The following DGKE variants were observed in gnomAD, a reference collection of about 807,000 sequenced individuals.
The protein encoded by DGKE is diacylglycerol kinase epsilon.
DGKE carries 53 observed loss-of-function variants against 70.0 expected under a neutral mutation model. The ratio of observed to expected loss-of-function variants is 0.76; its 90% CI spans 0.61 to 0.95. The LOEUF is 0.95. Among genes scored for constraint, DGKE ranks in the 40% least tolerant of loss-of-function variants. The pLI, the probability that DGKE is intolerant of heterozygous loss-of-function variation, is 0.00. For synonymous variants in DGKE, 291 were observed against 257.0 expected, an observed-to-expected ratio of 1.13 and a Z score of -1.27; for missense variants, 655 against 706.9, an observed-to-expected ratio of 0.93 and a Z score of 0.83.
At chr17:56,839,597 C>A (rs1376062924) in intron 2 of DGKE, among the ~76,000 whole-genome samples, 2 of 152,212 alleles carry the variant, frequency 1.3e-5, no homozygotes, top group African/African-American at 2.4e-5. Flanking sequence ...TGGCTTACTG[C>A]AGCCTTAGCC....
Position 56,835,152 on chromosome 17 carries a change from C to G in DGKE, c.357C>G (p.Val119=), listed in dbSNP as rs1356444112. ...KEIMLKNDTK[V]LDAMPHHWIR... is the part of the protein sequence containing the mutation. ...TTATGCTCAAGAATGACACCAAGGTCCTGGACGCCATGCCCCACCACTGGA... is the reference window on the plus strand; with the variant it reads ...TTATGCTCAAGAATGACACCAAGGTGCTGGACGCCATGCCCCACCACTGGA... The change falls in exon 2 of 12, where the codon GTC becomes GTG. Residue 119 remains valine, a synonymous_variant. Transcript: ENST00000284061. 8.1e-6 allele frequency: 13 copies of G among 1,613,996 alleles called. No homozygotes were observed. The highest frequency in any genetic ancestry group is 1.0e-5 in the Non-Finnish European group (12 of 1,180,054).
chr17:56,847,095 T>A (rs1907329710), intron 4 of DGKE, among the ~76,000 whole-genome samples: 1 of 152,182 alleles, frequency 6.6e-6, no homozygotes. Context: ...TTTTTAGGCA[T>A]TTTTGTCTTT....
rs11653161 is a variant in DGKE at position 56,869,148 on chromosome 17, G to A, written c.*6357G>A. ...TACAGGAGCTGGGCAAGCAACGAAG[G>A]TAAGAGTTGTAGAGACTTCGGTAAA... On this transcript the variant is annotated 3_prime_UTR_variant, in exon 12 of 12. Transcript: ENST00000284061. 2,454 of 152,316 alleles carry A rather than the reference G, an allele frequency of 0.016. 33 individuals carry two copies. Among genetic ancestry groups the A allele is most frequent in the Non-Finnish European group, 0.026 (1,748 of 68,034 alleles). The allele number at this position is 152,316 out of a possible 1,614,324, so 9.4% of individuals were successfully genotyped here.
At chr17:56,858,270 T>C (rs1182714602) in intron 8 of DGKE, among the ~76,000 whole-genome samples, 3 of 152,268 alleles carry the variant, frequency 2.0e-5, no homozygotes, top group African/African-American at 7.2e-5. Flanking sequence ...AAATGTAAAA[T>C]ACAAATGATG....
At chr17:56,834,746 C>A in intron 1 of DGKE, 32 bp from the exon 2 acceptor site, 1 of 1,524,882 alleles carries the variant, frequency 6.6e-7, no homozygotes, top group South Asian at 1.2e-5. Context: ...ATGGCGAGCT[C>A]GGGGTGCACC....
chr17:56,848,134 ATG>A (rs1907420951), intron 5 of DGKE, 69 bp downstream of exon 5: 3 of 924,414 alleles, frequency 3.2e-6, no homozygotes, highest in Non-Finnish European at 4.2e-6. Flanking sequence ...ATATATATAT[ATG>A]GGTTTTGTTG....
Position 56,845,675 on chromosome 17 carries a change from G to T in DGKE, c.625-15G>T. 6.2e-7 allele frequency: 1 copy of T among 1,601,060 alleles called. No homozygotes were observed. Among genetic ancestry groups the T allele is most frequent in the South Asian group, 1.1e-5 (1 of 88,402 alleles). ...TAAGATACTAAACCTTTTCACTCAT[G>T]GCAATTTTTTTTAGCTAGCCTCTAA... On this transcript the variant is annotated splice_polypyrimidine_tract_variant and intron_variant, in intron 3 of 11. Coordinates refer to ENST00000284061, the MANE Select transcript of DGKE (RefSeq NM_003647.3).
chr17:56,868,185 A>T lies in DGKE; in HGVS notation c.*5394A>T, dbSNP rs1045949545. 6.6e-6 allele frequency: 1 copy of T among 152,272 alleles called. No homozygotes were observed. The highest frequency in any genetic ancestry group is 6.5e-5 in the Admixed American group (1 of 15,288). 9.4% of individuals were successfully genotyped at this position (152,272 alleles called of 1,614,324 possible). A position where few individuals can be genotyped will look rare whatever the true frequency, so the allele number is the denominator to read the frequency against. ...CCAGGCAAGAGGGCATCCTGATCAG[A>T]TGAGTAGATTTGGCTGAGAAAAACC... On this transcript the variant is annotated 3_prime_UTR_variant, in exon 12 of 12. Coordinates refer to ENST00000284061, the MANE Select transcript of DGKE (RefSeq NM_003647.3).
intron 9 of DGKE, among the ~76,000 whole-genome samples, chr17:56,859,481 G>A (rs1908159525): frequency 6.7e-6 from 1 of 149,430 alleles, no homozygotes; most frequent in African/African-American, 2.5e-5. Context: ...GTGCAGTGGT[G>A]CGATCTCCGC....
rs374948506 is a variant in DGKE at position 56,849,156 on chromosome 17, G to GT, written c.1047-17dup. 467 of 1,594,956 alleles carry GT rather than the reference G, an allele frequency of 2.9e-4. 1 individual carries two copies. The highest frequency in any genetic ancestry group is 3.7e-4 in the Non-Finnish European group (430 of 1,168,844). On this transcript the variant is annotated intron_variant, in intron 6 of 11. Coordinates refer to ENST00000284061, the MANE Select transcript of DGKE (RefSeq NM_003647.3). ...TATGGGGTTTATTGTAAAACGTGCT[G>GT]TTTTTTTTAACTTCTGTTTTTTAGA...
chr17:56,844,014 C>G lies in DGKE; in HGVS notation c.465-5C>G, dbSNP rs1004912004. 9.1e-6 allele frequency: 14 copies of G among 1,535,508 alleles called. No homozygotes were observed. The highest frequency in any genetic ancestry group is 1.2e-5 in the Non-Finnish European group (14 of 1,149,110). ...TAGTTAATGCTTGTTTCTTCCTTCCCTCAGGTGCATTTGGTGCCAGAAAAC... is the reference window on the plus strand; with the variant it reads ...TAGTTAATGCTTGTTTCTTCCTTCCGTCAGGTGCATTTGGTGCCAGAAAAC... On this transcript the variant is annotated splice_polypyrimidine_tract_variant and splice_region_variant and intron_variant, in intron 2 of 11. Transcript: ENST00000284061.
At chr17:56,854,080 T>TAC (rs1354023273) in intron 7 of DGKE, among the ~76,000 whole-genome samples, 1 of 144,774 alleles carries the variant, frequency 6.9e-6, no homozygotes, top group East Asian at 2.1e-4. Flanking sequence ...AGACAAATAT[T>TAC]GTATGATGTC....
intron 2 of DGKE, among the ~76,000 whole-genome samples, chr17:56,841,923 G>A (rs1361349141): frequency 6.6e-6 from 1 of 152,092 alleles, no homozygotes; most frequent in Non-Finnish European, 1.5e-5. Flanking sequence ...AGCCTCACTA[G>A]AGCTGGGACT....
intron 7 of DGKE, 80 bp from the exon 8 acceptor site, chr17:56,856,432 A>G: frequency 7.0e-7 from 1 of 1,436,116 alleles, no homozygotes. Flanking sequence ...AAAGAACACA[A>G]AGACTAAGAT....
chr17:56,837,089 A>C (rs1404327166), intron 2 of DGKE, among the ~76,000 whole-genome samples: 1 of 152,238 alleles, frequency 6.6e-6, no homozygotes, highest in Non-Finnish European at 1.5e-5. Context: ...GCATCTCTTC[A>C]AAATCTGTTA....
chr17:56,835,362 C>T, intron 2 of DGKE, 103 bp downstream of exon 2: 2 of 1,250,544 alleles, frequency 1.6e-6, no homozygotes, highest in Non-Finnish European at 2.2e-6. Context: ...ATGACCTAAA[C>T]TCATTTTGAG....
rs574370960 is a variant in DGKE at position 56,839,843 on chromosome 17, C to A, written c.465-4176C>A. On this transcript the variant is annotated intron_variant, in intron 2 of 11. Transcript: ENST00000284061. The stretch of plus-strand genomic sequence containing the variant: ...GCCCTAGTAAGCATTTTAGCTGTAC[C>A]TTTATAGAGCAAAGGCTCATAATAG... Among the ~76,000 whole-genome samples, 5 of 152,150 alleles carry A rather than the reference C, an allele frequency of 3.3e-5. No homozygotes were observed. The East Asian group carries it at 9.7e-4, about 30-fold the overall frequency.
rs1331757476 is a variant in DGKE at position 56,866,291 on chromosome 17, A to G, written c.*3500A>G. On this transcript the variant is annotated 3_prime_UTR_variant, in exon 12 of 12. Transcript: ENST00000284061. The stretch of plus-strand genomic sequence containing the variant: ...TTGAAAGTATGGATTCCTGAGCCCA[A>G]CCCTTAACTTAATGATTCCCTGTCT... 4.6e-5 allele frequency: 7 copies of G among 152,186 alleles called. No homozygotes were observed. The highest frequency in any genetic ancestry group is 2.6e-4 in the Admixed American group (4 of 15,274). 9.4% of individuals were successfully genotyped at this position (152,186 alleles called of 1,614,324 possible).
At chr17:56,862,031 TATAA>T (rs2144299538) in intron 10 of DGKE, 105 bp from the exon 11 acceptor site, 9 of 1,532,744 alleles carry the variant, frequency 5.9e-6, no homozygotes, top group Non-Finnish European at 7.9e-6. Context: ...TCTCATTAGT[TATAA>T]ATATTTTTTA....
Sources: allele counts gnomAD v4.1 joint callset (sites outside exome capture counted in the v4.1 genomes callset), GRCh38; gene constraint gnomAD v4.1.1; transcripts MANE v1.5; gene names NCBI Gene and HGNC (gene_info 2026-07-23, HGNC 2026-07-21).